The following DPP10 variants were observed in gnomAD, a reference collection of about 807,000 sequenced individuals.
The protein encoded by DPP10 is dipeptidyl peptidase like 10.
DPP10 carries 33 observed loss-of-function variants against 120.9 expected under a neutral mutation model. The observed-to-expected ratio is 0.27, with a 90% CI of 0.21 to 0.37. The LOEUF (loss-of-function observed/expected upper bound fraction) is 0.37. Ranked by LOEUF, DPP10 falls within the 10% of genes least tolerant of loss-of-function variation. The pLI is 1.00. For missense variants in DPP10, 816 were observed against 942.8 expected (o/e 0.87, Z 1.76); for synonymous variants, 337 against 326.1 (o/e 1.03, Z -0.36).
intron 1 of DPP10, among the ~76,000 whole-genome samples, chr2:115,081,904 C>T (rs1708303606): frequency 6.6e-6 from 1 of 152,144 alleles, no homozygotes; most frequent in Non-Finnish European, 1.5e-5. Flanking sequence ...TAGGTGAATT[C>T]TGCATTAGAT....
chr2:115,199,922 T>G (rs2055572853), intron 1 of DPP10, among the ~76,000 whole-genome samples: 1 of 152,102 alleles, frequency 6.6e-6, no homozygotes, highest in Non-Finnish European at 1.5e-5. Flanking sequence ...CCCACAGTGT[T>G]TTAAAATAGG....
intron 11 of DPP10, among the ~76,000 whole-genome samples, chr2:115,755,020 T>C (rs1307832643): frequency 6.6e-6 from 1 of 152,070 alleles, no homozygotes; most frequent in Admixed American, 6.6e-5. Context: ...TTTTGGCAAA[T>C]GCATATATCC....
chr2:115,113,340 C>T (rs1457287206), intron 1 of DPP10, among the ~76,000 whole-genome samples: 2 of 151,414 alleles, frequency 1.3e-5, no homozygotes, highest in Admixed American at 6.6e-5. Flanking sequence ...CTAAATGTTC[C>T]AAATGGTTCT....
At chr2:114,688,694 C>G (rs1308446869) in intron 1 of DPP10, among the ~76,000 whole-genome samples, 1 of 151,916 alleles carries the variant, frequency 6.6e-6, no homozygotes, top group East Asian at 1.9e-4. Flanking sequence ...GTCTAAGTGA[C>G]TGACAAGTGC....
intron 1 of DPP10, among the ~76,000 whole-genome samples, chr2:114,924,150 C>A (rs1284224410): frequency 6.6e-6 from 1 of 152,146 alleles, no homozygotes; most frequent in Non-Finnish European, 1.5e-5. Flanking sequence ...CTGGAACTGC[C>A]ATGTGTTTTC....
At chr2:115,808,552 C>T (rs1686284232) in intron 19 of DPP10, among the ~76,000 whole-genome samples, 1 of 152,206 alleles carries the variant, frequency 6.6e-6, no homozygotes, top group Admixed American at 6.5e-5. Context: ...CCTGCCATAA[C>T]TCTACTGGGT....
chr2:115,042,041 A>G (rs1388900877), intron 1 of DPP10, among the ~76,000 whole-genome samples: 2 of 140,434 alleles, frequency 1.4e-5, no homozygotes, highest in African/African-American at 5.3e-5. Context: ...GCAATAAGTA[A>G]CCTGTGTTTT....
intron 19 of DPP10, among the ~76,000 whole-genome samples, chr2:115,791,883 G>A (rs116164131): frequency 1.4e-3 from 215 of 152,118 alleles, no homozygotes; most frequent in African/African-American, 4.9e-3. Context: ...ATTAGGCACC[G>A]AGGCCCCTAA....
intron 3 of DPP10, among the ~76,000 whole-genome samples, chr2:115,409,043 C>CA (rs374640618): frequency 3.7e-4 from 55 of 147,544 alleles, no homozygotes; most frequent in South Asian, 6.4e-4. Flanking sequence ...GGAAGGAAAA[C>CA]AAAAAAAAAT....
chr2:115,206,542 T>C (rs1185621448), intron 1 of DPP10, among the ~76,000 whole-genome samples: 2 of 152,190 alleles, frequency 1.3e-5, no homozygotes, highest in African/African-American at 4.8e-5. Context: ...ATTTGCTTTT[T>C]TTCTCTTCCA....
At chr2:115,421,677 C>T (rs200173606) in intron 3 of DPP10, among the ~76,000 whole-genome samples, 1 of 151,800 alleles carries the variant, frequency 6.6e-6, no homozygotes, top group East Asian at 1.9e-4. Flanking sequence ...TTGAGACCAT[C>T]CTGGCTAACA....
intron 1 of DPP10, chr2:114,828,941 G>T (rs538367623): frequency 6.6e-6 from 1 of 152,140 alleles, no homozygotes; most frequent in Non-Finnish European, 1.5e-5. Context: ...TGCAATAGGG[G>T]AAAATAAAGT....
At chr2:115,384,704 AAGAAAG>A (rs1234402588) in intron 3 of DPP10, among the ~76,000 whole-genome samples, 2 of 130,246 alleles carry the variant, frequency 1.5e-5, no homozygotes, top group African/African-American at 6.8e-5. Context: ...AAAAAGAAAG[AAGAAAG>A]AAGAAGAAGA....
intron 3 of DPP10, among the ~76,000 whole-genome samples, chr2:115,344,843 A>T (rs1161688499): frequency 1.3e-5 from 2 of 152,198 alleles, no homozygotes; most frequent in African/African-American, 2.4e-5. Flanking sequence ...TTCAAGGCAT[A>T]GAGTGTATTA....
intron 7 of DPP10, among the ~76,000 whole-genome samples, chr2:115,710,903 G>A (rs1184861871): frequency 6.6e-6 from 1 of 152,018 alleles, no homozygotes; most frequent in Non-Finnish European, 1.5e-5. Context: ...TTAATAAAAT[G>A]TGGAAAATAT....
intron 1 of DPP10, among the ~76,000 whole-genome samples, chr2:114,553,206 C>A (rs1688026483): frequency 6.6e-6 from 1 of 152,202 alleles, no homozygotes; most frequent in Non-Finnish European, 1.5e-5. Context: ...GCCGGTCTGC[C>A]TTATGTGGCA....
chr2:115,262,201 C>T (rs1359956581), intron 1 of DPP10, among the ~76,000 whole-genome samples: 1 of 151,896 alleles, frequency 6.6e-6, no homozygotes, highest in Non-Finnish European at 1.5e-5. Flanking sequence ...TTTGCAAGAA[C>T]ACAAAATCCT....
intron 5 of DPP10, among the ~76,000 whole-genome samples, chr2:115,541,723 G>A (rs1441169106): frequency 6.6e-6 from 1 of 151,642 alleles, no homozygotes; most frequent in Non-Finnish European, 1.5e-5. Context: ...ACTATCCATG[G>A]AAAGCTTACT....
intron 1 of DPP10, among the ~76,000 whole-genome samples, chr2:114,998,736 T>C (rs984091849): frequency 1.3e-5 from 2 of 152,158 alleles, no homozygotes; most frequent in African/African-American, 4.8e-5. Flanking sequence ...TTTCCACATC[T>C]AGGTCTGGAG....
Sources: gnomAD v4.1 joint callset for allele counts (sites outside exome capture counted in the v4.1 genomes callset) on GRCh38, gnomAD v4.1.1 for gene constraint, MANE v1.5 for transcripts, NCBI Gene and HGNC (gene_info 2026-07-23, HGNC 2026-07-21) for gene names.